The following SLC5A1 variants were observed in gnomAD, a reference collection of about 807,000 sequenced individuals.
SLC5A1 encodes the protein sodium/glucose cotransporter 1.
In SLC5A1, 42 loss-of-function variants were observed where a neutral mutation model predicts 73.5. The observed-to-expected ratio is 0.57, with a 90% CI of 0.45 to 0.74. The LOEUF (loss-of-function observed/expected upper bound fraction) is 0.74, where lower values mean the gene tolerates loss of function less well. Ranked by LOEUF, SLC5A1 falls within the 30% of genes least tolerant of loss-of-function variation. The probability of loss-of-function intolerance (pLI) is 0.00; values close to 1 mark genes in which losing one functional copy is unlikely to be tolerated. For missense variants in SLC5A1, 634 were observed against 855.4 expected (o/e 0.74, Z 3.23); for synonymous variants, 300 against 317.4 (o/e 0.95, Z 0.58).
intron 2 of SLC5A1, among the ~76,000 whole-genome samples, chr22:32,054,665 A>ATATT (rs66483574): frequency 0.039 from 5,919 of 151,768 alleles, 136 homozygotes; most frequent in South Asian, 0.088. Context: ...TACAGATGGT[A>ATATT]TATTTATTTA....
intron 2 of SLC5A1, chr22:32,059,266 G>A: frequency 1.0e-6 from 1 of 985,482 alleles, no homozygotes; most frequent in Non-Finnish European, 1.2e-6. Context: ...AGGTATTTGG[G>A]GCAGCAGACT....
At chr22:32,103,771 A>G (rs1353454505) in intron 13 of SLC5A1, among the ~76,000 whole-genome samples, 1 of 152,248 alleles carries the variant, frequency 6.6e-6, no homozygotes, top group African/African-American at 2.4e-5. Context: ...CATAGGATGT[A>G]AAACATTTCT....
chr22:32,067,164 C>G (rs1207887533), intron 3 of SLC5A1, 125 bp downstream of exon 3: 6 of 748,246 alleles, frequency 8.0e-6, no homozygotes, highest in Non-Finnish European at 1.2e-5. Flanking sequence ...AGGGTGCAGA[C>G]AGAGGAGGGG....
chr22:32,103,182 C>G (rs1362815151), intron 13 of SLC5A1, among the ~76,000 whole-genome samples: 1 of 152,196 alleles, frequency 6.6e-6, no homozygotes, highest in African/African-American at 2.4e-5. Flanking sequence ...AATTTACATT[C>G]TCACCAACAG....
At chr22:32,079,384 C>G (rs756136508) in intron 5 of SLC5A1, among the ~76,000 whole-genome samples, 5 of 152,166 alleles carry the variant, frequency 3.3e-5, no homozygotes, top group Non-Finnish European at 7.3e-5. Context: ...CCTTAGAATC[C>G]TTTATCTGTA....
chr22:32,110,791 G>A lies in SLC5A1; in HGVS notation c.*578G>A, dbSNP rs1434790216. ...CTGGGTGTTTGCTCTCTGAAGTGGA[G>A]GCCTGAGGAAGGTAGTACTTCCACA... is the stretch of plus-strand genomic sequence containing the variant. On this transcript the variant is annotated 3_prime_UTR_variant, in exon 15 of 15. Coordinates refer to ENST00000266088, the MANE Select transcript of SLC5A1 (RefSeq NM_000343.4). 3 of 162,484 alleles carry A rather than the reference G, an allele frequency of 1.8e-5. No individual in the cohort carries two copies. Among genetic ancestry groups the A allele is most frequent in the Non-Finnish European group, 4.1e-5 (3 of 73,550 alleles). 10.1% of individuals were successfully genotyped at this position (162,484 alleles called of 1,614,324 possible).
intron 11 of SLC5A1, among the ~76,000 whole-genome samples, chr22:32,098,868 C>T (rs1340298681): frequency 3.3e-5 from 5 of 151,474 alleles, no homozygotes; most frequent in Non-Finnish European, 7.4e-5. Context: ...GGGCGGATCA[C>T]GAGGTCAGGA....
chr22:32,048,798 C>A (rs1000575150), intron 1 of SLC5A1, among the ~76,000 whole-genome samples: 1 of 152,074 alleles, frequency 6.6e-6, no homozygotes, highest in Admixed American at 6.5e-5. Context: ...TGGCTGGGTG[C>A]GGTGGCTCAC....
intron 2 of SLC5A1, among the ~76,000 whole-genome samples, chr22:32,057,411 C>CA (rs141016310): frequency 0.033 from 5,037 of 152,252 alleles, 180 homozygotes; most frequent in African/African-American, 0.085. Context: ...GGACTATAGA[C>CA]AGTGCCACTG....
rs1265557344 is a variant in SLC5A1 at position 32,049,144 on chromosome 22, A to T, written c.136-799A>T. Among the ~76,000 whole-genome samples, 5 of 144,576 alleles carry T rather than the reference A, an allele frequency of 3.5e-5. 1 individual carries two copies. The highest frequency in any genetic ancestry group is 5.0e-5 in the African/African-American group (2 of 39,970). The allele number at this position is 144,576 out of a possible 152,430, so 94.8% of individuals were successfully genotyped here. On this transcript the variant is annotated intron_variant, in intron 1 of 14. Transcript: ENST00000266088. ...ATATATATATAATCATTATATATAT[A>T]TAATCTATATTATATATAATCTATA...
intron 14 of SLC5A1, 147 bp downstream of exon 14, chr22:32,105,038 AT>A: frequency 1.4e-6 from 1 of 702,218 alleles, no homozygotes. Flanking sequence ...GATGAGATGG[AT>A]AAGTGGGTTT....
rs994320824 is a variant in SLC5A1 at position 32,111,514 on chromosome 22, A to C, written c.*1301A>C. On this transcript the variant is annotated 3_prime_UTR_variant, in exon 15 of 15. Transcript: ENST00000266088. The stretch of plus-strand genomic sequence containing the variant: ...GATACTAAACAAACCCACAACACAG[A>C]TAAAGTATGCATTTTGGAGATTTCC... 2 of 152,252 alleles carry C rather than the reference A, an allele frequency of 1.3e-5. No individual in the cohort carries two copies. Among genetic ancestry groups the C allele is most frequent in the Admixed American group, 6.5e-5 (1 of 15,280 alleles). 9.4% of individuals were successfully genotyped at this position (152,252 alleles called of 1,614,324 possible).
At chr22:32,090,787 A>C (rs1224906547) in intron 10 of SLC5A1, among the ~76,000 whole-genome samples, 1 of 151,822 alleles carries the variant, frequency 6.6e-6, no homozygotes, top group South Asian at 2.1e-4. Flanking sequence ...TGAATGTTTA[A>C]CCATCTGAAA....
intron 12 of SLC5A1, among the ~76,000 whole-genome samples, chr22:32,101,687 C>T (rs1451166862): frequency 2.0e-5 from 3 of 152,254 alleles, no homozygotes; most frequent in East Asian, 3.9e-4. Context: ...AATTATTTTT[C>T]AAGTTAAAGG....
At chr22:32,079,206 G>C (rs1348150562) in intron 5 of SLC5A1, among the ~76,000 whole-genome samples, 2 of 152,146 alleles carry the variant, frequency 1.3e-5, no homozygotes, top group Admixed American at 1.3e-4. Context: ...TAATGTCAGA[G>C]CACCCAGACT....
chr22:32,072,188 GT>G (rs538711693), intron 5 of SLC5A1, among the ~76,000 whole-genome samples: 77 of 152,138 alleles, frequency 5.1e-4, no homozygotes, highest in Non-Finnish European at 1.5e-4. Flanking sequence ...ATACCTGATA[GT>G]TTTTTGTTCC....
intron 2 of SLC5A1, among the ~76,000 whole-genome samples, chr22:32,051,693 AAAC>A (rs768381652): frequency 9.9e-5 from 15 of 152,144 alleles, no homozygotes; most frequent in African/African-American, 2.7e-4. Flanking sequence ...CAAAAAACAA[AAAC>A]AACAACAACA....
Position 32,110,043 on chromosome 22 carries a change from T to C in SLC5A1, c.1825T>C (p.Phe609Leu). 6.2e-7 allele frequency: 1 copy of C among 1,614,080 alleles called. No individual in the cohort carries two copies. Among genetic ancestry groups the C allele is most frequent in the Non-Finnish European group, 8.5e-7 (1 of 1,179,998 alleles). Residue 609 changes from phenylalanine (F) to leucine (L), a missense_variant, in exon 15 of 15, where the codon TTT (phenylalanine) becomes CTT (leucine). Phe to Leu is a conservative substitution (Grantham distance 22, BLOSUM62 0). Transcript: ENST00000266088. ...AATCTTCAGGAGAGCCTATGACCTA[T>C]TTTGTGGGCTAGAGCAGCACGGTGC... ...KGIFRRAYDL[F>L]CGLEQHGAPK... is the part of the protein sequence containing the mutation.
At chr22:32,046,813 T>C (rs1170976080) in intron 1 of SLC5A1, among the ~76,000 whole-genome samples, 1 of 152,236 alleles carries the variant, frequency 6.6e-6, no homozygotes. Context: ...TAATTGTCCT[T>C]CTTTTACCCC....
Sources: allele counts gnomAD v4.1 joint callset (sites outside exome capture counted in the v4.1 genomes callset), GRCh38; gene constraint gnomAD v4.1.1; transcripts MANE v1.5; gene names NCBI Gene and HGNC (gene_info 2026-07-23, HGNC 2026-07-21).